The following LIN54 variants were observed in gnomAD, a reference collection of about 807,000 sequenced individuals.
LIN54 encodes the protein lin-54 DREAM MuvB core complex component, also known as protein lin-54 homolog.
LIN54 carries 9 observed loss-of-function variants against 78.7 expected under a neutral mutation model. That is an observed-to-expected ratio of 0.11 (90% CI 0.07 to 0.20). The LOEUF is 0.20. Among genes scored for constraint, LIN54 ranks in the 10% least tolerant of loss-of-function variants. LIN54 has a pLI of 1.00. For missense variants in LIN54, 573 were observed against 889.9 expected (o/e 0.64, Z 4.53); for synonymous variants, 269 against 318.4 (o/e 0.84, Z 1.65).
chr4:83,012,821 C>G (rs945964216), upstream of LIN54: 5 of 151,662 alleles, frequency 3.3e-5, no homozygotes, highest in African/African-American at 4.8e-5. Context: ...GCCTCCTGGT[C>G]GCGCGGCGCT....
In LIN54 at chr4:82,926,953, C is replaced by T. The variant is rs1280095813; in HGVS notation, c.*1149G>A. On this transcript the variant is annotated 3_prime_UTR_variant, in exon 13 of 13. Transcript: ENST00000340417. The stretch of plus-strand genomic sequence containing the variant: ...ACGAGGTCAGGAGATCGAGACCATC[C>T]TGGCTAACACGGTGAAACCCCGTCT... 1 of 152,232 alleles carries T rather than the reference C, an allele frequency of 6.6e-6. No individual in the cohort carries two copies. Among genetic ancestry groups the T allele is most frequent in the East Asian group, 1.9e-4 (1 of 5,196 alleles). The allele number at this position is 152,232 out of a possible 1,614,324, so 9.4% of individuals were successfully genotyped here.
intron 2 of LIN54, among the ~76,000 whole-genome samples, chr4:82,982,952 TCAAA>T (rs1158951475): frequency 1.3e-5 from 2 of 152,068 alleles, no homozygotes; most frequent in African/African-American, 4.8e-5. Flanking sequence ...GACAACTCTT[TCAAA>T]CAGAGGATAC....
chr4:82,988,228 C>T (rs1459980581), intron 1 of LIN54, among the ~76,000 whole-genome samples: 1 of 152,088 alleles, frequency 6.6e-6, no homozygotes, highest in Non-Finnish European at 1.5e-5. Context: ...TCTTTTTGCT[C>T]ATTCCAGAAC....
At chr4:82,994,244 T>C (rs994871779) in intron 1 of LIN54, among the ~76,000 whole-genome samples, 23 of 152,112 alleles carry the variant, frequency 1.5e-4, no homozygotes, top group Non-Finnish European at 4.4e-5. Context: ...CACTTGGAGA[T>C]TTTCTAGCTA....
chr4:82,989,054 G>C (rs1259884601), intron 1 of LIN54, among the ~76,000 whole-genome samples: 1 of 152,028 alleles, frequency 6.6e-6, no homozygotes, highest in Non-Finnish European at 1.5e-5. Context: ...CAGGCGCGGT[G>C]GTGGGTGCCT....
At chr4:82,952,972 G>C (rs932537931) in intron 4 of LIN54, among the ~76,000 whole-genome samples, 33 of 152,268 alleles carry the variant, frequency 2.2e-4, no homozygotes, top group Non-Finnish European at 4.4e-4. Context: ...AAAAGATGAA[G>C]GGTTATTTTT....
chr4:83,000,500 G>A (rs1036478390), intron 1 of LIN54, among the ~76,000 whole-genome samples: 12 of 152,174 alleles, frequency 7.9e-5, no homozygotes, highest in African/African-American at 2.9e-4. Context: ...TTTTGTCCTT[G>A]AAGACATGAA....
chr4:82,983,259 T>C (rs1726828686), intron 2 of LIN54, among the ~76,000 whole-genome samples: 1 of 152,088 alleles, frequency 6.6e-6, no homozygotes, highest in African/African-American at 2.4e-5. Context: ...TCCGCCCACC[T>C]CAGCCTGCCA....
chr4:83,006,499 C>T (rs1019213031), intron 1 of LIN54, among the ~76,000 whole-genome samples: 4 of 151,158 alleles, frequency 2.6e-5, no homozygotes, highest in African/African-American at 7.3e-5. Flanking sequence ...ATACTATGCT[C>T]GGTGCCTGGG....
At position 82,927,985 on chromosome 4, in the gene LIN54, G is replaced by A; in HGVS notation, c.*117C>T. The A allele has an allele frequency of 1.3e-6, 1 of 786,750 alleles. No individual in the cohort carries two copies. The highest frequency in any genetic ancestry group is 1.7e-5 in the African/African-American group (1 of 57,582). 48.7% of individuals were successfully genotyped at this position (786,750 alleles called of 1,614,324 possible). On this transcript the variant is annotated 3_prime_UTR_variant, in exon 13 of 13. Coordinates refer to ENST00000340417, the MANE Select transcript of LIN54 (RefSeq NM_194282.4). The stretch of plus-strand genomic sequence containing the variant: ...TTCTCCTTCAGTATTATAATTTCAG[G>A]TCTTTTAAAACAAGGACTGAATTAA...
intron 4 of LIN54, among the ~76,000 whole-genome samples, chr4:82,951,931 T>C (rs1398656364): frequency 6.6e-6 from 1 of 152,088 alleles, no homozygotes; most frequent in Non-Finnish European, 1.5e-5. Flanking sequence ...TGCAAAACAG[T>C]GAAGTTGGAC....
Position 82,939,969 on chromosome 4 carries a change from A to G in LIN54, c.1169-7T>C, listed in dbSNP as rs201776129. 1.9e-6 allele frequency: 3 copies of G among 1,584,970 alleles called. No individual in the cohort carries two copies. The highest frequency in any genetic ancestry group is 2.2e-5 in the East Asian group (1 of 44,716). Reference sequence around the variant, plus strand: ...TTAACAACCACTGGCTTTGCTTTTTAAAAAACAAAAGAAGGATGAACAAGT... The same window carrying G: ...TTAACAACCACTGGCTTTGCTTTTTGAAAAACAAAAGAAGGATGAACAAGT... On this transcript the variant is annotated splice_region_variant and splice_polypyrimidine_tract_variant and intron_variant, in intron 5 of 12. Transcript: ENST00000340417.
intron 2 of LIN54, among the ~76,000 whole-genome samples, chr4:82,979,829 C>T (rs376839774): frequency 4.4e-4 from 65 of 148,234 alleles, no homozygotes; most frequent in African/African-American, 1.1e-3. Context: ...CTTAGCTACT[C>T]GGGAGGCTGA....
chr4:83,001,493 T>A (rs763288219), intron 1 of LIN54, among the ~76,000 whole-genome samples: 1 of 151,844 alleles, frequency 6.6e-6, no homozygotes, highest in African/African-American at 2.4e-5. Context: ...AAGGATGCGG[T>A]GAGCTATGAT....
In LIN54 at chr4:82,941,286, T is replaced by A. The variant is rs1449359014; in HGVS notation, c.1169-1324A>T. On this transcript the variant is annotated intron_variant, in intron 5 of 12. Coordinates refer to ENST00000340417, the MANE Select transcript of LIN54 (RefSeq NM_194282.4). Reference sequence around the variant, plus strand: ...GGGCACATAGACTGGAGAAGGGCATTTCACACAAAGACGGAAGCATGAGAA... The same window carrying A: ...GGGCACATAGACTGGAGAAGGGCATATCACACAAAGACGGAAGCATGAGAA... 3.3e-5 allele frequency among the ~76,000 whole-genome samples: 5 copies of A among 151,612 alleles called. No homozygotes were observed. In the East Asian group the frequency reaches 9.7e-4, roughly 29 times the overall value.
chr4:82,944,115 C>T (rs1723166986), intron 5 of LIN54, among the ~76,000 whole-genome samples: 1 of 152,048 alleles, frequency 6.6e-6, no homozygotes. Flanking sequence ...AAGTGATCCG[C>T]CCACCTCAGC....
rs35020887 is a variant in LIN54, at chr4:82,943,861, ATT to A, written c.1168+2395_1168+2396del. The stretch of plus-strand genomic sequence containing the variant: ...GAAAAGAAGGCACCAGTCAATACTG[ATT>A]TTTTTTTTTTTTTTTTTTTTTTTGA... On this transcript the variant is annotated intron_variant, in intron 5 of 12. Transcript: ENST00000340417. Among the ~76,000 whole-genome samples, 364 of 128,340 alleles carry A rather than the reference ATT, an allele frequency of 2.8e-3. 2 individuals are homozygous for A. Among genetic ancestry groups the A allele is most frequent in the African/African-American group, 0.012 (325 of 27,788 alleles). 84.2% of individuals were successfully genotyped at this position (128,340 alleles called of 152,430 possible).
intron 7 of LIN54, among the ~76,000 whole-genome samples, chr4:82,938,886 T>C (rs921132109): frequency 1.3e-5 from 2 of 152,220 alleles, no homozygotes; most frequent in African/African-American, 4.8e-5. Context: ...ACACTACAAA[T>C]TACAGAGAAT....
At chr4:82,953,715 C>T (rs919851982) in intron 4 of LIN54, among the ~76,000 whole-genome samples, 2 of 152,094 alleles carry the variant, frequency 1.3e-5, no homozygotes, top group African/African-American at 2.4e-5. Context: ...TGTGAGAGGC[C>T]GAGGTGAGCA....
Sources: gnomAD v4.1 joint callset for allele counts (sites outside exome capture counted in the v4.1 genomes callset) on GRCh38, gnomAD v4.1.1 for gene constraint, MANE v1.5 for transcripts, NCBI Gene and HGNC (gene_info 2026-07-23, HGNC 2026-07-21) for gene names.